TEX11: variants seen among roughly 807,000 people sequenced by gnomAD.
The protein encoded by TEX11 is testis-expressed protein 11.
A neutral mutation model predicts 84.4 loss-of-function variants in TEX11; 7 were observed. The ratio of observed to expected loss-of-function variants is 0.08; its 90% CI spans 0.05 to 0.16. The LOEUF (loss-of-function observed/expected upper bound fraction) is 0.16. Ranked by LOEUF, TEX11 falls within the 10% of genes least tolerant of loss-of-function variation. The probability of loss-of-function intolerance (pLI) is 1.00; values close to 1 mark genes in which losing one functional copy is unlikely to be tolerated. For synonymous variants in TEX11, 264 were observed against 222.8 expected, an observed-to-expected ratio of 1.18 and a Z score of -1.64; for missense variants, 551 against 660.5, an observed-to-expected ratio of 0.83 and a Z score of 1.82.
At chrX:70,519,031 A>G in the TEX11 span, among the ~76,000 whole-genome samples, 1 of 111,738 alleles carries the variant, frequency 8.9e-6, no homozygotes, top group Non-Finnish European at 1.9e-5. Context: ...GGGTCTCCTG[A>G]ATATAGCACA....
Position 70,725,257 on chromosome X carries a change from C to G in TEX11, c.925+5G>C. 1.7e-6 allele frequency: 2 copies of G among 1,171,188 alleles called. No homozygotes were observed. Among genetic ancestry groups the G allele is most frequent in the Non-Finnish European group, 2.3e-6 (2 of 864,590 alleles). On this transcript the variant is annotated splice_donor_5th_base_variant and intron_variant, in intron 12 of 29. Transcript: ENST00000374333. The stretch of plus-strand genomic sequence containing the variant: ...TGGTGTGCTCTTCACATACAGAGAT[C>G]ATACCTTCAAGGAGTTCTTCATTAG...
At chrX:70,819,873 G>A (rs1227981349) in intron 8 of TEX11, among the ~76,000 whole-genome samples, 1 of 111,107 alleles carries the variant, frequency 9.0e-6, no homozygotes, top group East Asian at 2.8e-4. Context: ...AGAGGTGAAA[G>A]ACTTCTACAT....
chrX:70,793,285 C>A (rs2091135952), intron 9 of TEX11, among the ~76,000 whole-genome samples: 1 of 111,772 alleles, frequency 8.9e-6, no homozygotes, highest in Non-Finnish European at 1.9e-5. Flanking sequence ...AGAACTGGAA[C>A]AAACAAGGAC....
At chrX:70,878,392 C>T (rs1043693906) in intron 3 of TEX11, among the ~76,000 whole-genome samples, 93 of 109,933 alleles carry the variant, frequency 8.5e-4, no homozygotes, top group Non-Finnish European at 1.6e-3. Flanking sequence ...AGGATGGTCT[C>T]GATCTCCTGA....
rs1285004059 is a variant in TEX11, at chrX:70,792,929, A to G, written c.692+13776T>C. Reference sequence around the variant, plus strand: ...CAGCCAATATCACTGATGAACATCAATGCAAAAATCCTCAACAAAATACTA... The same window carrying G: ...CAGCCAATATCACTGATGAACATCAGTGCAAAAATCCTCAACAAAATACTA... On this transcript the variant is annotated intron_variant, in intron 9 of 29. Coordinates refer to ENST00000374333, the MANE Select transcript of TEX11 (RefSeq NM_031276.3). 2.1e-4 allele frequency among the ~76,000 whole-genome samples: 24 copies of G among 111,791 alleles called. No homozygotes were observed. The Admixed American group carries it at 2.2e-3, about 10-fold the overall frequency.
chrX:70,742,373 T>A (rs1367886466), intron 10 of TEX11, among the ~76,000 whole-genome samples: 1 of 108,249 alleles, frequency 9.2e-6, no homozygotes, highest in East Asian at 2.8e-4. Flanking sequence ...TATTTATATA[T>A]AAATAATTTA....
chrX:70,749,828 A>AT, intron 9 of TEX11, among the ~76,000 whole-genome samples: 1 of 109,805 alleles, frequency 9.1e-6, no homozygotes, highest in African/African-American at 3.3e-5. Context: ...TTTTGCCAGT[A>AT]TTTTATCGAG....
chrX:70,715,226 T>A (rs1399646940), intron 13 of TEX11, among the ~76,000 whole-genome samples: 1 of 108,631 alleles, frequency 9.2e-6, no homozygotes, highest in Non-Finnish European at 1.9e-5. Flanking sequence ...TCACTTAACA[T>A]TTTTTCCTTC....
intron 8 of TEX11, among the ~76,000 whole-genome samples, chrX:70,813,398 G>A (rs7878955): frequency 0.24 from 26,895 of 110,497 alleles, 2,752 homozygotes; most frequent in Admixed American, 0.43. Context: ...AAATTCAACA[G>A]CCCTTCATGC....
rs145048717 is a variant in TEX11 at position 70,734,806 on chromosome X, C to G, written c.843+5895G>C. On this transcript the variant is annotated intron_variant, in intron 11 of 29. Transcript: ENST00000374333. ...TGTTTTTTAACGTGGTTGTACAATT[C>G]TCAAAAAACTAGGAATGAAGGGAGC... Among the ~76,000 whole-genome samples the G allele has an allele frequency of 2.8e-3, 312 of 111,076 alleles. 9 individuals are homozygous for G. The highest frequency in any genetic ancestry group is 0.027 in the Admixed American group (283 of 10,359).
intron 7 of TEX11, among the ~76,000 whole-genome samples, chrX:70,851,666 T>TACACACACACACACAC (rs55903537): frequency 7.6e-4 from 70 of 92,004 alleles, no homozygotes; most frequent in South Asian, 3.5e-3. Context: ...ATTAAAAACA[T>TACACACACACACACAC]ACACACACAC....
intron 9 of TEX11, among the ~76,000 whole-genome samples, chrX:70,750,408 C>T (rs931312875): frequency 3.6e-5 from 4 of 111,466 alleles, no homozygotes; most frequent in African/African-American, 1.3e-4. Context: ...TTTGACCCAG[C>T]CATCCCATTA....
intron 18 of TEX11, 66 bp downstream of exon 18, chrX:70,629,545 T>C: frequency 1.8e-6 from 2 of 1,113,698 alleles, no homozygotes; most frequent in Non-Finnish European, 2.5e-6. Context: ...CTGATAATGA[T>C]TCTATTAATT....
intron 9 of TEX11, among the ~76,000 whole-genome samples, chrX:70,772,469 G>C: frequency 9.0e-6 from 1 of 110,958 alleles, no homozygotes. Context: ...AGCAGATATG[G>C]GAGGCTGAGG....
At chrX:70,629,536 T>C (rs1207220314) in intron 18 of TEX11, 75 bp downstream of exon 18, 2 of 1,101,629 alleles carry the variant, frequency 1.8e-6, no homozygotes, top group Non-Finnish European at 2.5e-6. Flanking sequence ...TGTGTCTAAC[T>C]GATAATGATT....
chrX:70,704,995 G>A (rs1325252618), intron 13 of TEX11, among the ~76,000 whole-genome samples: 1 of 111,673 alleles, frequency 9.0e-6, no homozygotes, highest in Non-Finnish European at 1.9e-5. Flanking sequence ...AAGGGATCCA[G>A]TTTCAGCTTT....
chrX:70,744,260 A>G, intron 9 of TEX11, 41 bp from the exon 10 acceptor site: 1 of 537,030 alleles, frequency 1.9e-6, no homozygotes, highest in Non-Finnish European at 2.5e-6. Context: ...ATATATATAA[A>G]CATATATCCA....
At position 70,606,918 on chromosome X, in the gene TEX11, GT is replaced by G. The variant is rs763460428; in HGVS notation, c.1950+40del. 2.6e-5 allele frequency: 24 copies of G among 934,016 alleles called. No homozygotes were observed. The African/African-American group carries it at 4.2e-4, about 16-fold the overall frequency. 77.0% of individuals were successfully genotyped at this position (934,016 alleles called of 1,213,427 possible). ...CTATAGCCATAGTGGTTATAGCCTT[GT>G]TGTGGTCCATACATGAGATACTTAT... On this transcript the variant is annotated intron_variant, in intron 23 of 29. Coordinates refer to ENST00000374333, the MANE Select transcript of TEX11 (RefSeq NM_031276.3).
intron 7 of TEX11, among the ~76,000 whole-genome samples, chrX:70,834,537 C>T (rs930014975): frequency 8.1e-5 from 9 of 111,462 alleles, no homozygotes; most frequent in Admixed American, 5.8e-4. Context: ...GGGTGGATCA[C>T]CTGAGGTCAG....
Sources: gnomAD v4.1 joint callset for allele counts (sites outside exome capture counted in the v4.1 genomes callset) on GRCh38, gnomAD v4.1.1 for gene constraint, MANE v1.5 for transcripts, NCBI Gene and HGNC (gene_info 2026-07-23, HGNC 2026-07-21) for gene names.